SNED1: variants seen among roughly 807,000 people sequenced by gnomAD.
SNED1 encodes the protein sushi, nidogen and EGF-like domain-containing protein 1.
A neutral mutation model predicts 166.7 loss-of-function variants in SNED1; 81 were observed. That is an observed-to-expected ratio of 0.49 (90% CI 0.41 to 0.58). SNED1 has a LOEUF of 0.58. Among genes scored for constraint, SNED1 ranks in the 20% least tolerant of loss-of-function variants. The probability of loss-of-function intolerance (pLI) is 0.00; values close to 1 mark genes in which losing one functional copy is unlikely to be tolerated. For synonymous variants in SNED1, 762 were observed against 822.0 expected (o/e 0.93, Z 1.25); for missense variants, 1,604 against 2,000.2 (o/e 0.80, Z 3.78).
Position 241,037,297 on chromosome 2 carries a change from T to C in SNED1, c.989T>C (p.Ile330Thr). 1 of 1,611,612 alleles carries C rather than the reference T, an allele frequency of 6.2e-7. No individual in the cohort carries two copies. Among genetic ancestry groups the C allele is most frequent in the East Asian group, 2.2e-5 (1 of 44,838 alleles). ...CQNGGTCTHGINSFRCQCPAG... is the reference protein window; with the variant it reads ...CQNGGTCTHGTNSFRCQCPAG... ...AATGGTGGGACCTGTACTCACGGCA[T>C]CAACAGTTTCCGCTGCCAGTGCCCG... Residue 330 changes from isoleucine to threonine, a missense_variant, in exon 6 of 32, where the codon ATC becomes ACC. By Grantham distance (89) the Ile-to-Thr change is moderately conservative. Transcript: ENST00000310397.
At chr2:241,065,936 G>C (rs756956005) in intron 21 of SNED1, among the ~76,000 whole-genome samples, 2 of 152,022 alleles carry the variant, frequency 1.3e-5, no homozygotes, top group Non-Finnish European at 2.9e-5. Context: ...TGGGAGACAG[G>C]GGCCGCGGGG....
rs548874680 is a variant in SNED1 at position 241,089,639 on chromosome 2, C to T, written c.*1+1237C>T. On this transcript the variant is annotated intron_variant, in intron 31 of 31. Coordinates refer to ENST00000310397, the MANE Select transcript of SNED1 (RefSeq NM_001080437.3). ...CTGTTGACTCGAGGGAATCACTTCC[C>T]GCTCCCACCTCACCCTCCAAAGACA... Among the ~76,000 whole-genome samples the T allele has an allele frequency of 3.9e-5, 6 of 152,288 alleles. No homozygotes were observed. In the South Asian group the frequency reaches 6.2e-4, roughly 16 times the overall value.
In SNED1 at chr2:241,094,687, C is replaced by T. The variant is rs1004670397; in HGVS notation, c.*3051C>T. ...CAGGCTCAGCACTGACATTCTGGGC[C>T]GGATCATCCTCTCTTGTGGGACCAT... On this transcript the variant is annotated 3_prime_UTR_variant, in exon 32 of 32. Coordinates refer to ENST00000310397, the MANE Select transcript of SNED1 (RefSeq NM_001080437.3). This position sits in a 1 kb window ranked among gnomAD's most constrained non-coding sequence, Gnocchi z 4.3. 27 of 306,576 alleles carry T rather than the reference C, an allele frequency of 8.8e-5. No homozygotes were observed. Among genetic ancestry groups the T allele is most frequent in the Admixed American group, 4.1e-4 (9 of 22,026 alleles). 19.0% of individuals were successfully genotyped at this position (306,576 alleles called of 1,614,324 possible). A position where few individuals can be genotyped will look rare whatever the true frequency, so the allele number is the denominator to read the frequency against.
In SNED1 at chr2:241,034,711, G is replaced by C; in HGVS notation, c.786G>C (p.Val262=). 6.3e-7 allele frequency: 1 copy of C among 1,574,964 alleles called. No homozygotes were observed. The highest frequency in any genetic ancestry group is 8.6e-7 in the Non-Finnish European group (1 of 1,160,910). The part of the protein sequence containing the change: ...AFRIDDAQVR[V]GGCGHTTSVC... ...GAATCGATGATGCCCAGGTGCGCGTGGGGGGCTGCGGCCATACAAGTAAGA... is the reference window on the plus strand; with the variant it reads ...GAATCGATGATGCCCAGGTGCGCGTCGGGGGCTGCGGCCATACAAGTAAGA... The change falls in exon 4 of 32, where the codon GTG becomes GTC. Residue 262 remains valine (V), a synonymous_variant. Transcript: ENST00000310397.
Position 241,065,586 on chromosome 2 carries a change from G to A in SNED1, c.3001G>A (p.Ala1001Thr). 6.2e-7 allele frequency: 1 copy of A among 1,611,650 alleles called. No homozygotes were observed. The highest frequency in any genetic ancestry group is 1.8e-4 in the Middle Eastern group (1 of 5,702). ...CATCAGCAGGCCTGCCGTGCTGCTG[G>A]CCCGCACGCGTGAGTGTCCCCGAGC... is the stretch of plus-strand genomic sequence containing the variant. ...NDISRPAVLL[A>T]RTRPRPVEGF... Residue 1001 changes from alanine to threonine, a missense_variant, in exon 21 of 32, where the codon GCC becomes ACC. Coordinates refer to ENST00000310397, the MANE Select transcript of SNED1 (RefSeq NM_001080437.3).
At chr2:241,063,764 G>A in intron 18 of SNED1, 64 bp downstream of exon 18, 1 of 1,225,002 alleles carries the variant, frequency 8.2e-7, no homozygotes, top group Non-Finnish European at 1.2e-6. Flanking sequence ...CAGAGAGGAG[G>A]TGGGGCATCC....
In SNED1 at chr2:241,088,737, C is replaced by G. The variant is rs568278458; in HGVS notation, c.*1+335C>G. Reference sequence around the variant, plus strand: ...TGGGAGGAAGAGGCAGGGGGGTGGGCCCTTGGAGAGGCTGGAAGACCACCT... The same window carrying G: ...TGGGAGGAAGAGGCAGGGGGGTGGGGCCTTGGAGAGGCTGGAAGACCACCT... On this transcript the variant is annotated intron_variant, in intron 31 of 31. Coordinates refer to ENST00000310397, the MANE Select transcript of SNED1 (RefSeq NM_001080437.3). 8 of 332,678 alleles carry G rather than the reference C, an allele frequency of 2.4e-5. No homozygotes were observed. The South Asian group carries it at 4.2e-4, about 18-fold the overall frequency. 20.6% of individuals were successfully genotyped at this position (332,678 alleles called of 1,614,324 possible). A position where few individuals can be genotyped will look rare whatever the true frequency, so the allele number is the denominator to read the frequency against.
Position 241,094,178 on chromosome 2 carries a change from G to A in SNED1, c.*2542G>A, listed in dbSNP as rs55938551. Reference sequence around the variant, plus strand: ...ACAAACTCTCCCTTTTCCCCATTGCGTGTGGGCTGCCAGGTACAAGTAAGG... The same window carrying A: ...ACAAACTCTCCCTTTTCCCCATTGCATGTGGGCTGCCAGGTACAAGTAAGG... On this transcript the variant is annotated 3_prime_UTR_variant, in exon 32 of 32. Transcript: ENST00000310397. This position sits in a 1 kb window ranked among gnomAD's most constrained non-coding sequence, Gnocchi z 4.3. 0.081 allele frequency: 31,062 copies of A among 384,198 alleles called. 1,676 individuals are homozygous for A. The highest frequency in any genetic ancestry group is 0.19 in the African/African-American group (8,769 of 46,802). The allele number at this position is 384,198 out of a possible 1,614,324, so 23.8% of individuals were successfully genotyped here.
At chr2:241,062,685 T>C in intron 16 of SNED1, 106 bp from the exon 17 acceptor site, 2 of 774,232 alleles carry the variant, frequency 2.6e-6, no homozygotes, top group East Asian at 2.7e-5. Flanking sequence ...CAACCACTGA[T>C]GATGTATCAT....
chr2:241,016,774 T>C (rs1432391940), intron 1 of SNED1, among the ~76,000 whole-genome samples: 4 of 152,186 alleles, frequency 2.6e-5, no homozygotes, highest in African/African-American at 9.7e-5. Flanking sequence ...TGAATATTCA[T>C]TCAATTTAAT....
rs773518655 is a variant in SNED1 at position 241,062,751 on chromosome 2, C to G, written c.2258-40C>G. 4 of 1,397,320 alleles carry G rather than the reference C, an allele frequency of 2.9e-6. No individual in the cohort carries two copies. The African/African-American group carries it at 4.2e-5, about 15-fold the overall frequency. 86.6% of individuals were successfully genotyped at this position (1,397,320 alleles called of 1,614,324 possible). ...TATGTGCATCTTAATTTGGCTTAATCGTGGCCACATTGCTTTATTCTTGGG... is the reference window on the plus strand; with the variant it reads ...TATGTGCATCTTAATTTGGCTTAATGGTGGCCACATTGCTTTATTCTTGGG... On this transcript the variant is annotated intron_variant, in intron 16 of 31. Transcript: ENST00000310397.
chr2:241,079,608 T>C (rs181287917), intron 27 of SNED1, among the ~76,000 whole-genome samples: 1 of 152,256 alleles, frequency 6.6e-6, no homozygotes, highest in East Asian at 1.9e-4. Context: ...TGAATGAACC[T>C]TGTTTTACAG....
At chr2:241,029,724 C>T (rs757841515) in intron 1 of SNED1, among the ~76,000 whole-genome samples, 13 of 152,246 alleles carry the variant, frequency 8.5e-5, no homozygotes, top group African/African-American at 1.2e-4. Flanking sequence ...ATGGGGCTCC[C>T]CGCTGCCTGG....
At chr2:241,011,047 C>T (rs1203484992) in intron 1 of SNED1, among the ~76,000 whole-genome samples, 1 of 152,128 alleles carries the variant, frequency 6.6e-6, no homozygotes, top group Admixed American at 6.5e-5. Flanking sequence ...CACTGCCCTC[C>T]CTCCCTGCCT....
chr2:241,038,659 GC>G, intron 6 of SNED1, among the ~76,000 whole-genome samples: 1 of 152,368 alleles, frequency 6.6e-6, no homozygotes, highest in South Asian at 2.1e-4. Context: ...TGCCCTGCTT[GC>G]CCACGTGCTC....
rs867001149 is a variant in SNED1, at chr2:241,018,805, G to A, written c.214-11479G>A. 3.9e-5 allele frequency among the ~76,000 whole-genome samples: 6 copies of A among 152,254 alleles called. No individual in the cohort carries two copies. Among genetic ancestry groups the A allele is most frequent in the African/African-American group, 1.2e-4 (5 of 41,534 alleles). On this transcript the variant is annotated intron_variant, in intron 1 of 31. Coordinates refer to ENST00000310397, the MANE Select transcript of SNED1 (RefSeq NM_001080437.3). The surrounding 1 kb of genome is among the most constrained non-coding windows in gnomAD (Gnocchi z 5.4). ...GCCCCACAGGAGAACCCAGGTGGCC[G>A]AACCAGAGCTGAGTGAATTCCTGAG...
chr2:241,092,689 T>C lies in SNED1; in HGVS notation c.*1053T>C, dbSNP rs1466374267. 6.6e-6 allele frequency: 1 copy of C among 152,252 alleles called. No individual in the cohort carries two copies. The highest frequency in any genetic ancestry group is 1.5e-5 in the Non-Finnish European group (1 of 68,060). The allele number at this position is 152,252 out of a possible 1,614,324, so 9.4% of individuals were successfully genotyped here. A position where few individuals can be genotyped will look rare whatever the true frequency, so the allele number is the denominator to read the frequency against. ...TGGACACCTGGGCTGGGCTGGACAATGTTTAAGGTTCCTTTTAGTCCATGA... is the reference window on the plus strand; with the variant it reads ...TGGACACCTGGGCTGGGCTGGACAACGTTTAAGGTTCCTTTTAGTCCATGA... On this transcript the variant is annotated 3_prime_UTR_variant, in exon 32 of 32. Transcript: ENST00000310397. The surrounding 1 kb of genome is among the most constrained non-coding windows in gnomAD (Gnocchi z 4.6).
chr2:241,063,887 G>GC, intron 18 of SNED1, 125 bp from the exon 19 acceptor site: 3 of 800,018 alleles, frequency 3.7e-6, no homozygotes, highest in Non-Finnish European at 6.0e-6. Context: ...GGCGGGACCT[G>GC]CCCACTGCCC....
chr2:241,011,642 T>C (rs193105780), intron 1 of SNED1, among the ~76,000 whole-genome samples: 2 of 152,342 alleles, frequency 1.3e-5, no homozygotes, highest in East Asian at 1.9e-4. Flanking sequence ...CAAATAACAA[T>C]AATAGAATTG....
Sources: gnomAD v4.1 joint callset for allele counts (sites outside exome capture counted in the v4.1 genomes callset) on GRCh38, gnomAD v4.1.1 for gene constraint, Gnocchi (gnomAD v3.1) non-coding constraint, MANE v1.5 for transcripts, NCBI Gene and HGNC (gene_info 2026-07-23, HGNC 2026-07-21) for gene names.